Variants in CYP4A11 observed in about 807,000 individuals in gnomAD.
CYP4A11 encodes the protein cytochrome P450 4A11.
CYP4A11 carries 52 observed loss-of-function variants against 57.7 expected under a neutral mutation model. The ratio of observed to expected loss-of-function variants is 0.90; its 90% confidence interval spans 0.72 to 1.14. The LOEUF (loss-of-function observed/expected upper bound fraction) is 1.14. Ranked by LOEUF, CYP4A11 falls within the 50% of genes most tolerant of loss-of-function variation. The pLI, the probability that CYP4A11 is intolerant of heterozygous loss-of-function variation, is 0.00. For missense variants in CYP4A11, 641 were observed against 642.1 expected (o/e 1.00, Z 0.02); for synonymous variants, 228 against 247.1 (o/e 0.92, Z 0.72).
chr1:46,934,989 A>G lies in CYP4A11; in HGVS notation c.790+11T>C, dbSNP rs1681286668. The G allele has an allele frequency of 6.2e-7, 1 of 1,611,620 alleles. No homozygotes were observed. The highest frequency in any genetic ancestry group is 8.5e-7 in the Non-Finnish European group (1 of 1,178,742). On this transcript the variant is annotated intron_variant, in intron 6 of 11. Transcript: ENST00000310638. ...TGGGAAAGGCTGGGAGACAAGAGGA[A>G]AAGACAGAACCTGTGTGCTGATGGG...
At chr1:46,932,287 G>A (rs930318363) in intron 11 of CYP4A11, 2 of 1,015,130 alleles carry the variant, frequency 2.0e-6, no homozygotes, top group African/African-American at 1.7e-5. Flanking sequence ...ATAAACAGAT[G>A]CAAAGACTTC....
At chr1:46,939,586 A>T (rs756300000) in intron 1 of CYP4A11, among the ~76,000 whole-genome samples, 10 of 152,186 alleles carry the variant, frequency 6.6e-5, no homozygotes, top group Non-Finnish European at 1.5e-4. Context: ...AGAATCCCAC[A>T]CTTATGACAC....
rs182047196 is a variant in CYP4A11 at position 46,941,437 on chromosome 1, G to C, written c.-4C>G. 2.5e-6 allele frequency: 4 copies of C among 1,612,790 alleles called. No individual in the cohort carries two copies. In the African/African-American group the frequency reaches 5.3e-5, roughly 22 times the overall value. On this transcript the variant is annotated 5_prime_UTR_variant, in exon 1 of 12. Coordinates refer to ENST00000310638, the MANE Select transcript of CYP4A11 (RefSeq NM_000778.4). ...GGCTCAGCACAGAGACACTCATGGT[G>C]CAGCACCTGCTGGATCTCTGAGTGC... is the stretch of plus-strand genomic sequence containing the variant.
chr1:46,932,694 A>G (rs1345125694), intron 11 of CYP4A11, 67 bp downstream of exon 11: 3 of 1,612,970 alleles, frequency 1.9e-6, no homozygotes, highest in African/African-American at 2.7e-5. Flanking sequence ...CAGGCTCACA[A>G]AGATCAGAGG....
rs751794931 is a variant in CYP4A11 at position 46,941,258 on chromosome 1, A to C, written c.176T>G (p.Leu59Arg). The C allele has an allele frequency of 6.2e-7, 1 of 1,613,708 alleles. No homozygotes were observed. The highest frequency in any genetic ancestry group is 8.5e-7 in the Non-Finnish European group (1 of 1,179,748). The stretch of plus-strand genomic sequence containing the variant: ...CCCTACCTCCTGGATGTGCCCGAAG[A>C]GCCAGTGGGAGGGAGGGCACGGGAA... ...QQFPCPPSHW[L>R]FGHIQELQQD... Residue 59 changes from leucine (L) to arginine (R), a missense_variant, in exon 1 of 12, where the codon CTC (leucine) becomes CGC (arginine). Coordinates refer to ENST00000310638, the MANE Select transcript of CYP4A11 (RefSeq NM_000778.4).
chr1:46,936,234 G>A (rs1681379806), intron 4 of CYP4A11, among the ~76,000 whole-genome samples: 1 of 152,194 alleles, frequency 6.6e-6, no homozygotes, highest in African/African-American at 2.4e-5. Flanking sequence ...TCCCAGGGTG[G>A]CTTAAATCCA....
At position 46,929,947 on chromosome 1, in the gene CYP4A11, C is replaced by G. The variant is rs1200548898; in HGVS notation, c.*168G>C. The G allele has an allele frequency of 1.0e-6, 1 of 959,912 alleles. No individual in the cohort carries two copies. Among genetic ancestry groups the G allele is most frequent in the African/African-American group, 1.6e-5 (1 of 61,170 alleles). The allele number at this position is 959,912 out of a possible 1,614,324, so 59.5% of individuals were successfully genotyped here. A position where few individuals can be genotyped will look rare whatever the true frequency, so the allele number is the denominator to read the frequency against. Reference sequence around the variant, plus strand: ...TACAGGTGGGTAGGAGACAGGTAGACAAGCAGGTAGGGAGCCTGGAGAAAG... The same window carrying G: ...TACAGGTGGGTAGGAGACAGGTAGAGAAGCAGGTAGGGAGCCTGGAGAAAG... On this transcript the variant is annotated 3_prime_UTR_variant, in exon 12 of 12. Transcript: ENST00000310638.
chr1:46,941,119 T>G (rs1570117464), intron 1 of CYP4A11, 120 bp downstream of exon 1: 1 of 1,451,826 alleles, frequency 6.9e-7, no homozygotes. Context: ...GTAGGCTGGG[T>G]GTTCCTTTGA....
rs1253381398 is a variant in CYP4A11, at chr1:46,941,311, C to T, written c.123G>A (p.Arg41=). Residue 41 remains arginine (R), a synonymous_variant, in exon 1 of 12, where the codon AGG becomes AGA. Transcript: ENST00000310638. ...GCTGGAGGGCTTTGAGCAGCCACTGCCTGTGCAGGTAGAGCTGAACTGCCT... is the reference window on the plus strand; with the variant it reads ...GCTGGAGGGCTTTGAGCAGCCACTGTCTGTGCAGGTAGAGCTGAACTGCCT... ...LIKAVQLYLH[R]QWLLKALQQF... is the part of the protein sequence containing the mutation. 1 of 1,614,028 alleles carries T rather than the reference C, an allele frequency of 6.2e-7. No individual in the cohort carries two copies. The highest frequency in any genetic ancestry group is 2.2e-5 in the East Asian group (1 of 44,846).
intron 1 of CYP4A11, among the ~76,000 whole-genome samples, chr1:46,939,175 T>C (rs1352256576): frequency 3.3e-5 from 5 of 152,254 alleles, no homozygotes; most frequent in African/African-American, 4.8e-5. Flanking sequence ...TCAAAGCAAC[T>C]GTCTACCACA....
At position 46,941,314 on chromosome 1, in the gene CYP4A11, G is replaced by A. The variant is rs761075285; in HGVS notation, c.120C>T (p.His40=). 1.1e-4 allele frequency: 177 copies of A among 1,613,916 alleles called. 2 individuals carry two copies. Among genetic ancestry groups the A allele is most frequent in the South Asian group, 6.6e-4 (60 of 91,006 alleles). Residue 40 remains histidine (H), a synonymous_variant, in exon 1 of 12, where the codon CAC becomes CAT. Transcript: ENST00000310638. The part of the protein sequence containing the change: ...LLIKAVQLYL[H]RQWLLKALQQ... ...GGAGGGCTTTGAGCAGCCACTGCCT[G>A]TGCAGGTAGAGCTGAACTGCCTTGA...
chr1:46,932,986 T>A lies in CYP4A11; in HGVS notation c.1284A>T (p.Pro428=). The change falls in exon 10 of 12, where the codon CCA becomes CCT. Residue 428 remains proline, a synonymous_variant. Transcript: ENST00000310638. ...LHHNPKVWPN[P]EVFDPFRFAP... ...CCTCCTCTCAAGGACCACATACCTC[T>A]GGGTTGGGCCACACTTTTGGGTTGT... is the stretch of plus-strand genomic sequence containing the variant. The A allele has an allele frequency of 6.2e-7, 1 of 1,614,204 alleles. No individual in the cohort carries two copies. The highest frequency in any genetic ancestry group is 8.5e-7 in the Non-Finnish European group (1 of 1,180,036).
chr1:46,936,776 A>T lies in CYP4A11; in HGVS notation c.398T>A (p.Leu133Gln), dbSNP rs770936750. 3 of 1,612,568 alleles carry T rather than the reference A, an allele frequency of 1.9e-6. No homozygotes were observed. In the Admixed American group the frequency reaches 5.0e-5, roughly 27 times the overall value. ...LAPWIGYGLL[L>Q]LNGQTWFQHR... ...CTGGAACCATGTCTGCCCATTCAAC[A>T]GGAGCAAGCCGTACCCTAAGAGAGA... The change falls in exon 4 of 12, where the codon CTG becomes CAG. Residue 133 changes from leucine to glutamine, a missense_variant. Transcript: ENST00000310638.
At position 46,934,233 on chromosome 1, in the gene CYP4A11, T is replaced by C. The variant is rs754203259; in HGVS notation, c.1031A>G (p.Gln344Arg). 1.2e-6 allele frequency: 2 copies of C among 1,613,620 alleles called. No homozygotes were observed. The highest frequency in any genetic ancestry group is 3.3e-5 in the Admixed American group (2 of 59,976). The change falls in exon 8 of 12, where the codon CAG becomes CGG. Residue 344 changes from glutamine to arginine, a missense_variant. Physicochemically the swap from Gln to Arg is conservative, Grantham distance 43 (BLOSUM62 1). Coordinates refer to ENST00000310638, the MANE Select transcript of CYP4A11 (RefSeq NM_000778.4). ...LYALATHPKHQERCREEIHSL... is the reference protein window; with the variant it reads ...LYALATHPKHRERCREEIHSL... ...GTGGATCTCCTCCCGGCACCTCTCC[T>C]GATGCTTGGGGTGTGTGGCCAGAGC...
chr1:46,932,255 G>A (rs1287505159), intron 11 of CYP4A11: 2 of 1,001,760 alleles, frequency 2.0e-6, no homozygotes, highest in East Asian at 9.7e-5. Flanking sequence ...TTGAAAGGTA[G>A]GACTTGCAGG....
intron 1 of CYP4A11, chr1:46,940,790 C>G (rs1478668094): frequency 2.0e-6 from 2 of 985,306 alleles, no homozygotes; most frequent in Admixed American, 6.1e-5. Context: ...TGCCTGTATT[C>G]TTCACAGACC....
At chr1:46,940,483 G>A (rs538788858) in intron 1 of CYP4A11, among the ~76,000 whole-genome samples, 5 of 152,124 alleles carry the variant, frequency 3.3e-5, no homozygotes, top group Non-Finnish European at 5.9e-5. Flanking sequence ...CATGCTCACC[G>A]CCAGGGAGCT....
Position 46,934,084 on chromosome 1 carries a change from A to C in CYP4A11, c.1089-5T>G. ...GGCATCTGGTCCAGGTGGTTCCTGA[A>C]ACAATTCCATCCTGAACACCAGCAA... On this transcript the variant is annotated splice_polypyrimidine_tract_variant and splice_region_variant and intron_variant, in intron 8 of 11. Transcript: ENST00000310638. 1 of 1,612,538 alleles carries C rather than the reference A, an allele frequency of 6.2e-7. No homozygotes were observed. The highest frequency in any genetic ancestry group is 8.5e-7 in the Non-Finnish European group (1 of 1,179,410).
At chr1:46,932,066 A>G in intron 11 of CYP4A11, 4 of 978,512 alleles carry the variant, frequency 4.1e-6, no homozygotes, top group Non-Finnish European at 3.6e-6. Flanking sequence ...TTACAGGACT[A>G]TGGTATAAAG....
Sources: allele counts gnomAD v4.1 joint callset (sites outside exome capture counted in the v4.1 genomes callset), GRCh38; gene constraint gnomAD v4.1.1; transcripts MANE v1.5; gene names NCBI Gene and HGNC (gene_info 2026-07-23, HGNC 2026-07-21).